RSAD1: variants seen among roughly 807,000 people sequenced by gnomAD.
RSAD1 encodes the protein radical S-adenosyl methionine domain-containing protein 1, mitochondrial.
A neutral mutation model predicts 46.2 loss-of-function variants in RSAD1; 34 were observed. The observed-to-expected ratio is 0.74, with a 90% CI of 0.56 to 0.98. The LOEUF (loss-of-function observed/expected upper bound fraction) is 0.98, where lower values mean the gene tolerates loss of function less well. RSAD1 is among the 50% of genes least tolerant of loss of function. The pLI is 0.00. For synonymous variants in RSAD1, 260 were observed against 253.5 expected, an observed-to-expected ratio of 1.03 and a Z score of -0.24; for missense variants, 635 against 592.3, an observed-to-expected ratio of 1.07 and a Z score of -0.75.
chr17:50,481,994 G>A (rs2143834028), intron 3 of RSAD1, 97 bp from the exon 4 acceptor site: 3 of 1,378,618 alleles, frequency 2.2e-6, no homozygotes, highest in South Asian at 1.7e-5. Context: ...TGCCTGCCAC[G>A]TGCTGCGTTC....
chr17:50,483,266 A>G, intron 5 of RSAD1, 74 bp from the exon 6 acceptor site: 2 of 1,476,714 alleles, frequency 1.4e-6, no homozygotes, highest in Non-Finnish European at 1.8e-6. Flanking sequence ...TGCTCCAGGG[A>G]CCACATGATT....
In RSAD1 at chr17:50,479,898, T is replaced by C; in HGVS notation, c.288T>C (p.Phe96=). ...SGVQRVESVF[F]GGGTPSLASP... is the part of the protein sequence containing the mutation. Reference sequence around the variant, plus strand: ...TCCCCAGGGTGGAGTCTGTGTTCTTTGGTGGGGGGACCCCCAGTCTAGCCA... The same window carrying C: ...TCCCCAGGGTGGAGTCTGTGTTCTTCGGTGGGGGGACCCCCAGTCTAGCCA... Residue 96 remains phenylalanine (F), a synonymous_variant, in exon 3 of 9, where the codon TTT becomes TTC. Coordinates refer to ENST00000258955, the MANE Select transcript of RSAD1 (RefSeq NM_018346.3). 2 of 1,613,560 alleles carry C rather than the reference T, an allele frequency of 1.2e-6. No homozygotes were observed. Among genetic ancestry groups the C allele is most frequent in the African/African-American group, 1.3e-5 (1 of 75,030 alleles).
rs774764640 is a variant in RSAD1, at chr17:50,484,782, ACT to A, written c.1257_1258del (p.Leu420AlafsTer38). The A allele has an allele frequency of 3.8e-5, 61 of 1,612,834 alleles. No individual in the cohort carries two copies. Among genetic ancestry groups the A allele is most frequent in the Non-Finnish European group, 4.7e-5 (56 of 1,179,714 alleles). ...TCCTGGGAGGGTCTGGCTGTGCTGG[ACT>A]CTCTCTTGCTGACCCTCCTGCCTCA... On this transcript the variant is annotated frameshift_variant, in exon 9 of 9. Transcript: ENST00000258955. LOFTEE classifies it high-confidence loss of function.
chr17:50,478,996 CG>C lies in RSAD1; in HGVS notation c.114del (p.Arg39AlafsTer38). On this transcript the variant is annotated frameshift_variant, in exon 1 of 9. Transcript: ENST00000258955. LOFTEE classifies it high-confidence loss of function. ...GTCCCCGAGTCCTGAGCCTGCGGGCCGGCGCGCGGCGCTTTACGTACACGTG... is the reference window on the plus strand; with the variant it reads ...GTCCCCGAGTCCTGAGCCTGCGGGCCGCGCGCGGCGCTTTACGTACACGTG... ...GGSPSPEPAG[R>X]RAALYVHWPY... The C allele has an allele frequency of 1.5e-6, 2 of 1,372,830 alleles. No homozygotes were observed. Among genetic ancestry groups the C allele is most frequent in the South Asian group, 3.6e-5 (2 of 55,584 alleles). 85.0% of individuals were successfully genotyped at this position (1,372,830 alleles called of 1,614,324 possible). A position where few individuals can be genotyped will look rare whatever the true frequency, so the allele number is the denominator to read the frequency against.
rs1471218194 is a variant in RSAD1 at position 50,479,773 on chromosome 17, G to A, written c.269+11G>A. On this transcript the variant is annotated intron_variant, in intron 2 of 8. Coordinates refer to ENST00000258955, the MANE Select transcript of RSAD1 (RefSeq NM_018346.3). ...CAGCGGGGTGCAACGGTGGGTAGTGGGGGCTGTAGGCAGCGTTTTGGGAAA... is the reference window on the plus strand; with the variant it reads ...CAGCGGGGTGCAACGGTGGGTAGTGAGGGCTGTAGGCAGCGTTTTGGGAAA... The A allele has an allele frequency of 1.9e-6, 3 of 1,600,044 alleles. No homozygotes were observed. The highest frequency in any genetic ancestry group is 1.1e-5 in the South Asian group (1 of 89,266).
At chr17:50,479,195 C>T (rs1213279128) in intron 1 of RSAD1, 176 bp downstream of exon 1, 2 of 667,820 alleles carry the variant, frequency 3.0e-6, no homozygotes, top group African/African-American at 1.9e-5. Flanking sequence ...TGACTTGGTC[C>T]AGAAACCTGA....
At chr17:50,484,306 G>T in intron 7 of RSAD1, 136 bp from the exon 8 acceptor site, 1 of 704,710 alleles carries the variant, frequency 1.4e-6, no homozygotes, top group Non-Finnish European at 2.4e-6. Flanking sequence ...CCATTGGCCT[G>T]GTTCTGCTTT....
chr17:50,478,875 G>GCTGGGCGCCATGGCGCTCCC lies in RSAD1; in HGVS notation c.-8_12dup, dbSNP rs2033342237. 1 of 1,293,014 alleles carries GCTGGGCGCCATGGCGCTCCC rather than the reference G, an allele frequency of 7.7e-7. No homozygotes were observed. 80.1% of individuals were successfully genotyped at this position (1,293,014 alleles called of 1,614,324 possible). On this transcript the variant is annotated 5_prime_UTR_variant, in exon 1 of 9. In the 5' UTR this introduces an upstream ATG that the reference lacks. Transcript: ENST00000258955. ...TGCTCGGGTCAGTGCGCCGCGCTGC[G>GCTGGGCGCCATGGCGCTCCC]CTGGGCGCCATGGCGCTCCCCGGAG...
Position 50,484,785 on chromosome 17 carries a change from C to A in RSAD1, c.1253C>A (p.Ser418Tyr). 6.2e-7 allele frequency: 1 copy of A among 1,614,118 alleles called. No homozygotes were observed. Among genetic ancestry groups the A allele is most frequent in the Non-Finnish European group, 8.5e-7 (1 of 1,179,982 alleles). The change falls in exon 9 of 9, where the codon TCT (serine) becomes TAT (tyrosine). Residue 418 changes from serine to tyrosine, a missense_variant. By Grantham distance (144) the Ser-to-Tyr change is moderately radical. Transcript: ENST00000258955. ...CSWEGLAVLD[S>Y]LLLTLLPQLQ... ...TGGGAGGGTCTGGCTGTGCTGGACTCTCTCTTGCTGACCCTCCTGCCTCAG... is the reference window on the plus strand; with the variant it reads ...TGGGAGGGTCTGGCTGTGCTGGACTATCTCTTGCTGACCCTCCTGCCTCAG...
Position 50,484,984 on chromosome 17 carries a change from G to A in RSAD1, c.*123G>A. ...CTCCTTGTGGTTATTGCTCAGCCCTGGCATCCCCAGGGGAATGGCAGCAGT... is the reference window on the plus strand; with the variant it reads ...CTCCTTGTGGTTATTGCTCAGCCCTAGCATCCCCAGGGGAATGGCAGCAGT... On this transcript the variant is annotated 3_prime_UTR_variant, in exon 9 of 9. Coordinates refer to ENST00000258955, the MANE Select transcript of RSAD1 (RefSeq NM_018346.3). The A allele has an allele frequency of 1.4e-6, 1 of 737,750 alleles. No homozygotes were observed. Among genetic ancestry groups the A allele is most frequent in the Non-Finnish European group, 2.3e-6 (1 of 430,846 alleles). 45.7% of individuals were successfully genotyped at this position (737,750 alleles called of 1,614,324 possible). A position where few individuals can be genotyped will look rare whatever the true frequency, so the allele number is the denominator to read the frequency against.
Position 50,480,023 on chromosome 17 carries a change from C to A in RSAD1, c.413C>A (p.Pro138Gln). The A allele has an allele frequency of 3.7e-6, 6 of 1,614,124 alleles. No homozygotes were observed. The highest frequency in any genetic ancestry group is 5.1e-6 in the Non-Finnish European group (6 of 1,180,032). Residue 138 changes from proline to glutamine, a missense_variant, in exon 3 of 9, where the codon CCG (proline) becomes CAG (glutamine). Pro to Gln is a moderately conservative substitution (Grantham distance 76). Transcript: ENST00000258955. Reference protein sequence around the residue: ...VTLEANPTSAPGSRLAEFGAA... With the variant: ...VTLEANPTSAQGSRLAEFGAA... The stretch of plus-strand genomic sequence containing the variant: ...TTGGAGGCTAATCCTACTTCAGCTC[C>A]GGGCTCCAGACTGGCAGAGTTCGGG...
chr17:50,484,670 G>T, intron 8 of RSAD1, 74 bp from the exon 9 acceptor site: 2 of 1,523,910 alleles, frequency 1.3e-6, no homozygotes, highest in South Asian at 2.3e-5. Flanking sequence ...GGTGCTGGGA[G>T]CTCGGCCCTG....
chr17:50,483,189 A>AAAAAAG (rs779338411), intron 5 of RSAD1, 151 bp from the exon 6 acceptor site: 8,463 of 266,054 alleles, frequency 0.032, 93 homozygotes, highest in Middle Eastern at 0.059. Flanking sequence ...AAAAAAAAAA[A>AAAAAAG]AAAGAAAGAA....
intron 5 of RSAD1, 73 bp from the exon 6 acceptor site, chr17:50,483,267 C>T: frequency 6.8e-7 from 1 of 1,476,892 alleles, no homozygotes; most frequent in Non-Finnish European, 9.1e-7. Context: ...GCTCCAGGGA[C>T]CACATGATTT....
In RSAD1 at chr17:50,480,049, G is replaced by A. The variant is rs778407531; in HGVS notation, c.439G>A (p.Ala147Thr). ...APGSRLAEFGAAGVNRLSIGL... is the reference protein window; with the variant it reads ...APGSRLAEFGTAGVNRLSIGL... Reference sequence around the variant, plus strand: ...GGGCTCCAGACTGGCAGAGTTCGGGGCAGCAGGGGTTAACAGGTTGTCTAT... The same window carrying A: ...GGGCTCCAGACTGGCAGAGTTCGGGACAGCAGGGGTTAACAGGTTGTCTAT... Residue 147 changes from alanine (A) to threonine (T), a missense_variant, in exon 3 of 9, where the codon GCA (alanine) becomes ACA (threonine). By Grantham distance (58) the Ala-to-Thr change is moderately conservative. Transcript: ENST00000258955. 2.5e-6 allele frequency: 4 copies of A among 1,614,014 alleles called. No homozygotes were observed. The highest frequency in any genetic ancestry group is 2.2e-5 in the East Asian group (1 of 44,892).
In RSAD1 at chr17:50,478,900, G is replaced by A; in HGVS notation, c.16G>A (p.Ala6Thr). Residue 6 changes from alanine to threonine, a missense_variant, in exon 1 of 9, where the codon GCC (alanine) becomes ACC (threonine). By Grantham distance (58) the Ala-to-Thr change is moderately conservative (BLOSUM62 0). Coordinates refer to ENST00000258955, the MANE Select transcript of RSAD1 (RefSeq NM_018346.3). MALPG[A>T]RARGWAAAAR... ...GCTGGGCGCCATGGCGCTCCCCGGA[G>A]CCCGGGCTCGCGGCTGGGCGGCAGC... 12 of 1,315,582 alleles carry A rather than the reference G, an allele frequency of 9.1e-6. No homozygotes were observed. Among genetic ancestry groups the A allele is most frequent in the African/African-American group, 1.5e-5 (1 of 64,834 alleles). The allele number at this position is 1,315,582 out of a possible 1,614,324, so 81.5% of individuals were successfully genotyped here. A position where few individuals can be genotyped will look rare whatever the true frequency, so the allele number is the denominator to read the frequency against.
chr17:50,483,565 T>TCCTGTCTTGTCCTGGCC, intron 6 of RSAD1, 78 bp downstream of exon 6: 1 of 1,586,678 alleles, frequency 6.3e-7, no homozygotes, highest in Non-Finnish European at 8.6e-7. Context: ...ATCTTTTATT[T>TCCTGTCTTGTCCTGGCC]CCTGTCTTGT....
At position 50,479,675 on chromosome 17, in the gene RSAD1, A is replaced by T; in HGVS notation, c.182A>T (p.Tyr61Phe). Residue 61 changes from tyrosine to phenylalanine, a missense_variant, in exon 2 of 9, where the codon TAC (tyrosine) becomes TTC (phenylalanine). Tyr to Phe is a conservative substitution (Grantham distance 22). Coordinates refer to ENST00000258955, the MANE Select transcript of RSAD1 (RefSeq NM_018346.3). ...KRCSYCNFNK[Y>F]IPRRLEEAAM... ...TGCAGTTACTGCAACTTCAACAAGTACATCCCTCGCCGCCTGGAGGAGGCT... is the reference window on the plus strand; with the variant it reads ...TGCAGTTACTGCAACTTCAACAAGTTCATCCCTCGCCGCCTGGAGGAGGCT... The T allele has an allele frequency of 6.2e-7, 1 of 1,614,000 alleles. No homozygotes were observed. The highest frequency in any genetic ancestry group is 8.5e-7 in the Non-Finnish European group (1 of 1,180,044).
chr17:50,480,013 A>G lies in RSAD1; in HGVS notation c.403A>G (p.Thr135Ala), dbSNP rs748119186. 2.5e-6 allele frequency: 4 copies of G among 1,614,138 alleles called. No homozygotes were observed. Among genetic ancestry groups the G allele is most frequent in the South Asian group, 1.1e-5 (1 of 91,092 alleles). Reference protein sequence around the residue: ...DLEVTLEANPTSAPGSRLAEF... With the variant: ...DLEVTLEANPASAPGSRLAEF... ...GGAAGTCACATTGGAGGCTAATCCT[A>G]CTTCAGCTCCGGGCTCCAGACTGGC... Residue 135 changes from threonine (T) to alanine (A), a missense_variant, in exon 3 of 9, where the codon ACT becomes GCT. By Grantham distance (58) the Thr-to-Ala change is moderately conservative. Coordinates refer to ENST00000258955, the MANE Select transcript of RSAD1 (RefSeq NM_018346.3).
Sources: allele counts gnomAD v4.1 joint callset, GRCh38; gene constraint gnomAD v4.1.1; transcripts MANE v1.5; gene names NCBI Gene and HGNC (gene_info 2026-07-23, HGNC 2026-07-21).